ABCC8: variants seen among roughly 807,000 people sequenced by gnomAD.
ABCC8 encodes ATP-binding cassette sub-family C member 8.
A neutral mutation model predicts 188.0 loss-of-function variants in ABCC8; 137 were observed. The observed-to-expected ratio is 0.73, with a 90% CI of 0.63 to 0.84. The LOEUF (loss-of-function observed/expected upper bound fraction) is 0.84. ABCC8 is among the 40% of genes least tolerant of loss of function. The pLI, the probability that ABCC8 is intolerant of heterozygous loss-of-function variation, is 0.00. For synonymous variants in ABCC8, 797 were observed against 846.5 expected (o/e 0.94, Z 1.01); for missense variants, 1,750 against 2,072.7 (o/e 0.84, Z 3.02).
At chr11:17,396,064 C>A in intron 33 of ABCC8, 134 bp from the exon 34 acceptor site, 1 of 1,513,542 alleles carries the variant, frequency 6.6e-7, no homozygotes. Context: ...TGACTAGTTT[C>A]TCTTTGGACA....
rs569777150 is a variant in ABCC8, at chr11:17,404,016, C to T, written c.3557+496G>A. Among the ~76,000 whole-genome samples the T allele has an allele frequency of 6.7e-4, 102 of 152,254 alleles. No individual in the cohort carries two copies. Among genetic ancestry groups the T allele is most frequent in the African/African-American group, 2.4e-3 (99 of 41,538 alleles). On this transcript the variant is annotated intron_variant, in intron 28 of 38. Coordinates refer to ENST00000389817, the MANE Select transcript of ABCC8 (RefSeq NM_000352.6). The surrounding 1 kb of genome is among the most constrained non-coding windows in gnomAD (Gnocchi z 4.7). ...GAGGAGGAAAGAGGCGTGCATGGAT[C>T]CAAAGCTCATGAGGGCAAATGTGAT...
intron 6 of ABCC8, among the ~76,000 whole-genome samples, chr11:17,453,604 G>A (rs1224362537): frequency 6.6e-6 from 1 of 152,172 alleles, no homozygotes; most frequent in East Asian, 1.9e-4. Flanking sequence ...TCTGAATGGG[G>A]CAAGAATAAA....
intron 12 of ABCC8, chr11:17,430,291 C>G (rs1955785308): frequency 1.0e-5 from 2 of 196,628 alleles, no homozygotes; most frequent in Admixed American, 5.2e-5. Flanking sequence ...GTGGGAGCCT[C>G]CAAGAGCTGT....
Position 17,414,493 on chromosome 11 carries a change from C to G in ABCC8, c.2390+19G>C, listed in dbSNP as rs1342445072. ...AGTTCCTCCCCTCCACATCCTGCCTCCCTCCGACAGGCTTTTACCGTTGTT... is the reference window on the plus strand; with the variant it reads ...AGTTCCTCCCCTCCACATCCTGCCTGCCTCCGACAGGCTTTTACCGTTGTT... On this transcript the variant is annotated intron_variant, in intron 19 of 38. Transcript: ENST00000389817. 6.2e-7 allele frequency: 1 copy of G among 1,614,084 alleles called. No homozygotes were observed. The highest frequency in any genetic ancestry group is 8.5e-7 in the Non-Finnish European group (1 of 1,179,942).
chr11:17,415,455 C>T, intron 17 of ABCC8, 116 bp from the exon 18 acceptor site: 1 of 1,542,672 alleles, frequency 6.5e-7, no homozygotes, highest in Non-Finnish European at 8.7e-7. Flanking sequence ...CCCCTGGACC[C>T]AGTCTGTAGC....
intron 1 of ABCC8, among the ~76,000 whole-genome samples, chr11:17,475,414 G>C (rs1327694347): frequency 6.6e-6 from 1 of 151,994 alleles, no homozygotes; most frequent in Admixed American, 6.5e-5. Context: ...AGGGCGGGGG[G>C]GGTCTCACTA....
At chr11:17,466,119 G>C (rs1031319287) in intron 3 of ABCC8, among the ~76,000 whole-genome samples, 3 of 152,134 alleles carry the variant, frequency 2.0e-5, no homozygotes, top group African/African-American at 7.2e-5. Context: ...AAGACAAATA[G>C]GCCAGGCAAG....
chr11:17,438,262 G>A (rs1956183587), intron 10 of ABCC8, among the ~76,000 whole-genome samples: 1 of 152,206 alleles, frequency 6.6e-6, no homozygotes, highest in African/African-American at 2.4e-5. Context: ...CACACAGAAG[G>A]TGGGCAGGAA....
Position 17,427,246 on chromosome 11 carries a change from C to G in ABCC8, c.2117-92G>C. 2.9e-6 allele frequency: 4 copies of G among 1,396,560 alleles called. No individual in the cohort carries two copies. The highest frequency in any genetic ancestry group is 3.0e-5 in the Admixed American group (1 of 33,642). 86.5% of individuals were successfully genotyped at this position (1,396,560 alleles called of 1,614,324 possible). ...GACAGACAGACAGATGCACCCAACC[C>G]TGGGGCCCCTGTTTTCTTTCTTCCT... On this transcript the variant is annotated intron_variant, in intron 15 of 38. Coordinates refer to ENST00000389817, the MANE Select transcript of ABCC8 (RefSeq NM_000352.6). This position sits in a 1 kb window ranked among gnomAD's most constrained non-coding sequence, Gnocchi z 5.0.
intron 6 of ABCC8, among the ~76,000 whole-genome samples, chr11:17,459,006 T>G (rs1191009631): frequency 6.6e-6 from 1 of 152,206 alleles, no homozygotes; most frequent in Non-Finnish European, 1.5e-5. Flanking sequence ...ATAATAATAG[T>G]CAATTTAGCT....
At chr11:17,411,887 C>T (rs972625604) in intron 21 of ABCC8, among the ~76,000 whole-genome samples, 2 of 145,504 alleles carry the variant, frequency 1.4e-5, no homozygotes, top group South Asian at 2.1e-4. Flanking sequence ...ATTGCGAATA[C>T]GTTCTTTTTT....
At chr11:17,443,514 T>C in intron 8 of ABCC8, 1 of 717,020 alleles carries the variant, frequency 1.4e-6, no homozygotes, top group Non-Finnish European at 2.3e-6. Context: ...TGGGCTCTCA[T>C]GCAAGCAGAG....
chr11:17,410,472 C>T, intron 22 of ABCC8, 44 bp downstream of exon 22: 1 of 1,606,958 alleles, frequency 6.2e-7, no homozygotes, highest in Non-Finnish European at 8.5e-7. Context: ...TGACAGCCTC[C>T]CCAGCCCTGC....
chr11:17,456,136 T>C (rs778717990), intron 6 of ABCC8, among the ~76,000 whole-genome samples: 1 of 151,960 alleles, frequency 6.6e-6, no homozygotes, highest in Non-Finnish European at 1.5e-5. Context: ...ACCTGACACT[T>C]GGTGGAAGAA....
At chr11:17,432,048 C>T (rs528626892) in intron 11 of ABCC8, among the ~76,000 whole-genome samples, 156 bp downstream of exon 11, 1 of 152,294 alleles carries the variant, frequency 6.6e-6, no homozygotes, top group South Asian at 2.1e-4. Context: ...GGGGAGGGGC[C>T]ACACCCTCTA....
At chr11:17,476,550 G>C (rs553477821) in intron 1 of ABCC8, 79 bp downstream of exon 1, 14 of 1,534,226 alleles carry the variant, frequency 9.1e-6, no homozygotes, top group Non-Finnish European at 1.2e-5. Flanking sequence ...AGGGGACGCC[G>C]AGCGGTGCGG....
chr11:17,428,900 G>A lies in ABCC8; in HGVS notation c.1818-230C>T, dbSNP rs1591799737. Reference sequence around the variant, plus strand: ...ATAGGCTGGGGTCTGGATTGGAGGTGAGATTGGTTAGTTTTAGGGTTAATG... The same window carrying A: ...ATAGGCTGGGGTCTGGATTGGAGGTAAGATTGGTTAGTTTTAGGGTTAATG... On this transcript the variant is annotated intron_variant, in intron 12 of 38. Transcript: ENST00000389817. 4.3e-6 allele frequency: 3 copies of A among 694,370 alleles called. No homozygotes were observed. The East Asian group carries it at 8.3e-5, about 19-fold the overall frequency. 43.0% of individuals were successfully genotyped at this position (694,370 alleles called of 1,614,324 possible).
intron 8 of ABCC8, among the ~76,000 whole-genome samples, chr11:17,445,966 CTTTTTTTTTTTT>C (rs66845960): frequency 1.5e-5 from 2 of 134,276 alleles, no homozygotes; most frequent in African/African-American, 5.6e-5. Flanking sequence ...AACCTGATTT[CTTTTTTTTTTTT>C]TTTTTTAGAC....
intron 29 of ABCC8, chr11:17,398,957 C>T (rs367662866): frequency 1.1e-5 from 2 of 186,558 alleles, no homozygotes; most frequent in African/African-American, 2.3e-5. Flanking sequence ...TGTGTCCTCT[C>T]CCCCACTGTT....
Sources: allele counts gnomAD v4.1 joint callset (sites outside exome capture counted in the v4.1 genomes callset), GRCh38; gene constraint gnomAD v4.1.1; non-coding constraint Gnocchi (gnomAD v3.1); transcripts MANE v1.5; gene names NCBI Gene and HGNC (gene_info 2026-07-23, HGNC 2026-07-21).